DRC8: variants seen among roughly 807,000 people sequenced by gnomAD.
DRC8 encodes the protein dynein regulatory complex protein 8.
chr1:244,986,783 G>C, the DRC8 span, among the ~76,000 whole-genome samples: 1 of 152,028 alleles, frequency 6.6e-6, no homozygotes, highest in East Asian at 1.9e-4. Flanking sequence ...TTGCACTGTG[G>C]AAGGGTGGAG....
chr1:245,073,796 A>G, the DRC8 span, among the ~76,000 whole-genome samples: 4 of 152,190 alleles, frequency 2.6e-5, no homozygotes, highest in Admixed American at 2.6e-4. Flanking sequence ...AGCACTGTAT[A>G]TACAGAAGTG....
chr1:245,083,003 C>T, the DRC8 span, among the ~76,000 whole-genome samples: 2 of 152,090 alleles, frequency 1.3e-5, no homozygotes, highest in East Asian at 3.9e-4. Context: ...GCCACCATAC[C>T]CAGCCCTATT....
At chr1:245,105,635 A>C in the DRC8 span, among the ~76,000 whole-genome samples, 181 of 151,082 alleles carry the variant, frequency 1.2e-3, no homozygotes, top group African/African-American at 4.0e-3. Context: ...AAAAAAAAAA[A>C]AAACAAAAAA....
the DRC8 span, among the ~76,000 whole-genome samples, chr1:245,099,695 G>T: frequency 6.6e-6 from 1 of 152,192 alleles, no homozygotes; most frequent in African/African-American, 2.4e-5. Flanking sequence ...TTGAGGGGGT[G>T]GTGAGAAGAC....
chr1:245,111,904 C>T, the DRC8 span, among the ~76,000 whole-genome samples: 9 of 152,080 alleles, frequency 5.9e-5, no homozygotes, highest in African/African-American at 1.7e-4. Flanking sequence ...GGGTGTGGCA[C>T]GCACCTGTAG....
chr1:245,060,909 C>T, the DRC8 span, among the ~76,000 whole-genome samples: 128 of 152,360 alleles, frequency 8.4e-4, 1 homozygote, highest in East Asian at 0.022. Flanking sequence ...CACTGAAACA[C>T]AGCTAAACTC....
the DRC8 span, among the ~76,000 whole-genome samples, chr1:245,076,947 G>A: frequency 9.2e-5 from 14 of 152,084 alleles, no homozygotes; most frequent in East Asian, 3.9e-4. Flanking sequence ...GGATGGTCTC[G>A]ATCTCCTGAC....
the DRC8 span, among the ~76,000 whole-genome samples, chr1:244,983,259 G>T: frequency 6.6e-6 from 1 of 152,094 alleles, no homozygotes; most frequent in African/African-American, 2.4e-5. Context: ...TCTAGGTTTT[G>T]TCTAGGCAGA....
chr1:245,039,634 C>G, the DRC8 span, among the ~76,000 whole-genome samples: 4 of 152,184 alleles, frequency 2.6e-5, no homozygotes, highest in African/African-American at 9.7e-5. Flanking sequence ...TCCCTCCTCT[C>G]TCCCAGGATC....
chr1:245,006,243 A>G, the DRC8 span, among the ~76,000 whole-genome samples: 197 of 152,284 alleles, frequency 1.3e-3, no homozygotes, highest in African/African-American at 4.2e-3. Flanking sequence ...AAGTGAGAGA[A>G]AGGAGACTAA....
the DRC8 span, chr1:245,086,701 C>T: frequency 1.9e-5 from 10 of 532,404 alleles, no homozygotes; most frequent in African/African-American, 7.7e-5. Context: ...AATCATAACA[C>T]GTTTCATTCT....
At chr1:245,035,247 C>T in the DRC8 span, among the ~76,000 whole-genome samples, 1 of 151,246 alleles carries the variant, frequency 6.6e-6, no homozygotes, top group Non-Finnish European at 1.5e-5. Context: ...ATGTAAGGGA[C>T]CTAGAATAGC....
chr1:245,021,369 T>G, the DRC8 span, among the ~76,000 whole-genome samples: 1 of 152,040 alleles, frequency 6.6e-6, no homozygotes, highest in African/African-American at 2.4e-5. Flanking sequence ...AGAACAATAT[T>G]AGCTTGGGAT....
the DRC8 span, chr1:245,107,106 T>A: frequency 6.6e-6 from 1 of 152,216 alleles, no homozygotes; most frequent in Non-Finnish European, 1.5e-5. Context: ...CTAGAACTAT[T>A]TCCAAACAGT....
the DRC8 span, among the ~76,000 whole-genome samples, chr1:245,080,520 G>C: frequency 6.6e-6 from 1 of 152,096 alleles, no homozygotes; most frequent in Non-Finnish European, 1.5e-5. Context: ...CCCTCACTCA[G>C]GATTCCTTAT....
chr1:245,099,518 C>A, the DRC8 span, among the ~76,000 whole-genome samples: 2 of 152,188 alleles, frequency 1.3e-5, no homozygotes, highest in Non-Finnish European at 2.9e-5. Context: ...AGGCCACAGG[C>A]CCTGTCAACA....
chr1:245,024,982 C>T, the DRC8 span, among the ~76,000 whole-genome samples: 1 of 152,128 alleles, frequency 6.6e-6, no homozygotes, highest in Admixed American at 6.5e-5. Flanking sequence ...TGAAAGGTCT[C>T]AGCCTTAGTC....
At chr1:245,055,101 G>A in the DRC8 span, among the ~76,000 whole-genome samples, 1 of 152,150 alleles carries the variant, frequency 6.6e-6, no homozygotes, top group Non-Finnish European at 1.5e-5. Flanking sequence ...TAGCAAGCAG[G>A]AAGCAAGCCT....
chr1:245,016,674 G>A, the DRC8 span, among the ~76,000 whole-genome samples: 1 of 152,116 alleles, frequency 6.6e-6, no homozygotes, highest in Non-Finnish European at 1.5e-5. Flanking sequence ...TAAGTACTAG[G>A]TAACTGTTTA....
Sources: gnomAD v4.1 joint callset for allele counts (sites outside exome capture counted in the v4.1 genomes callset) on GRCh38, gnomAD v4.1.1 for gene constraint, MANE v1.5 for transcripts, NCBI Gene and HGNC (gene_info 2026-07-23, HGNC 2026-07-21) for gene names.